Variants in TTC27 observed in about 807,000 individuals in gnomAD.
The protein encoded by TTC27 is tetratricopeptide repeat domain 27.
TTC27 carries 79 observed loss-of-function variants against 115.9 expected under a neutral mutation model. The observed-to-expected ratio is 0.68, with a 90% confidence interval of 0.57 to 0.82. The LOEUF (loss-of-function observed/expected upper bound fraction) is 0.82, where lower values mean the gene tolerates loss of function less well. TTC27 is among the 40% of genes least tolerant of loss of function. The probability of loss-of-function intolerance (pLI) is 0.00; values close to 1 mark genes in which losing one functional copy is unlikely to be tolerated. For synonymous variants in TTC27, 401 were observed against 356.0 expected (o/e 1.13, Z -1.42); for missense variants, 1,054 against 993.1 (o/e 1.06, Z -0.82).
intron 9 of TTC27, among the ~76,000 whole-genome samples, chr2:32,681,324 A>G (rs2151889607): frequency 6.6e-6 from 1 of 152,250 alleles, no homozygotes; most frequent in South Asian, 2.1e-4. Flanking sequence ...AAACATACAA[A>G]ATAAACCAGA....
intron 7 of TTC27, among the ~76,000 whole-genome samples, chr2:32,667,837 T>A (rs1307549303): frequency 6.7e-6 from 1 of 150,372 alleles, no homozygotes; most frequent in Non-Finnish European, 1.5e-5. Flanking sequence ...GTGGATCACT[T>A]GAGGTCAGGA....
rs138466700 is a variant in TTC27, at chr2:32,812,511, A to G, written c.2204A>G (p.Gln735Arg). The G allele has an allele frequency of 8.5e-4, 1,373 of 1,610,142 alleles. No individual in the cohort carries two copies. Among genetic ancestry groups the G allele is most frequent in the Non-Finnish European group, 1.0e-3 (1,175 of 1,176,544 alleles). ...TTCTTTCTCCTTCCTCAGGCATTCC[A>G]GTGCCTCTCAAAGGCATACAAGTGT... is the stretch of plus-strand genomic sequence containing the variant. The part of the protein sequence containing the change: ...EKPDENEKAF[Q>R]CLSKAYKCDT... The change falls in exon 18 of 20, where the codon CAG (glutamine) becomes CGG (arginine). Residue 735 changes from glutamine to arginine, a missense_variant. Gln to Arg is a conservative substitution (Grantham distance 43, BLOSUM62 1). Coordinates refer to ENST00000317907, the MANE Select transcript of TTC27 (RefSeq NM_017735.5).
chr2:32,716,956 A>G (rs1431595650), intron 10 of TTC27, among the ~76,000 whole-genome samples: 1 of 150,396 alleles, frequency 6.6e-6, no homozygotes, highest in African/African-American at 2.4e-5. Flanking sequence ...AACCTCCCAA[A>G]GTTTTGGGAT....
intron 10 of TTC27, among the ~76,000 whole-genome samples, chr2:32,720,919 A>G (rs1375561030): frequency 6.6e-6 from 1 of 152,204 alleles, no homozygotes; most frequent in Non-Finnish European, 1.5e-5. Flanking sequence ...GTAAGTTCAC[A>G]TGCATTATAC....
At chr2:32,748,785 T>G (rs1431077914) in intron 12 of TTC27, among the ~76,000 whole-genome samples, 2 of 152,000 alleles carry the variant, frequency 1.3e-5, no homozygotes, top group East Asian at 1.9e-4. Context: ...CCTCCCAGGT[T>G]TCAGTGATTC....
chr2:32,726,852 G>A (rs954869425), intron 10 of TTC27, among the ~76,000 whole-genome samples: 1 of 152,184 alleles, frequency 6.6e-6, no homozygotes, highest in Non-Finnish European at 1.5e-5. Context: ...TGGCTGGGGA[G>A]GCCTCACAAT....
intron 3 of TTC27, among the ~76,000 whole-genome samples, chr2:32,639,808 A>G (rs1664571494): frequency 6.6e-6 from 1 of 152,082 alleles, no homozygotes; most frequent in African/African-American, 2.4e-5. Flanking sequence ...TTCGAGACCA[A>G]CCTGGCCAAC....
intron 18 of TTC27, among the ~76,000 whole-genome samples, chr2:32,815,990 G>C (rs1458692384): frequency 6.6e-6 from 1 of 152,154 alleles, no homozygotes; most frequent in Non-Finnish European, 1.5e-5. Flanking sequence ...GGCACAGGCA[G>C]CCTCTACCGA....
At chr2:32,681,390 CT>C (rs1370336896) in intron 9 of TTC27, among the ~76,000 whole-genome samples, 1 of 152,098 alleles carries the variant, frequency 6.6e-6, no homozygotes, top group African/African-American at 2.4e-5. Context: ...CCTGTCCCTT[CT>C]TTGTGCATGA....
intron 16 of TTC27, among the ~76,000 whole-genome samples, chr2:32,805,341 C>A (rs768479387): frequency 1.8e-4 from 28 of 152,210 alleles, no homozygotes; most frequent in Non-Finnish European, 4.0e-4. Flanking sequence ...ATCTCCTCAT[C>A]CTTATCTAAG....
chr2:32,815,733 G>A (rs530433040), intron 18 of TTC27, among the ~76,000 whole-genome samples: 3 of 152,238 alleles, frequency 2.0e-5, no homozygotes, highest in African/African-American at 4.8e-5. Flanking sequence ...CTCAAATACC[G>A]CTGCCATGGT....
At chr2:32,723,724 CTCCCTCCTTCCT>C (rs1233730440) in intron 10 of TTC27, among the ~76,000 whole-genome samples, 11 of 25,064 alleles carry the variant, frequency 4.4e-4, no homozygotes, top group African/African-American at 1.5e-3. Context: ...CCCTCCCTCC[CTCCCTCCTTCCT>C]TCCTTCCTTC....
chr2:32,682,841 A>AT (rs1559204114), intron 9 of TTC27, among the ~76,000 whole-genome samples: 6 of 77,502 alleles, frequency 7.7e-5, no homozygotes, highest in Admixed American at 1.8e-4. Flanking sequence ...GATAATTTTT[A>AT]TTGTTGTTTT....
intron 16 of TTC27, among the ~76,000 whole-genome samples, chr2:32,791,086 A>G (rs1670519001): frequency 1.3e-5 from 2 of 152,298 alleles, no homozygotes; most frequent in South Asian, 4.1e-4. Flanking sequence ...ATTTATTTCT[A>G]GATTATACAT....
chr2:32,776,725 C>T (rs1001738159), intron 13 of TTC27, among the ~76,000 whole-genome samples: 4 of 152,196 alleles, frequency 2.6e-5, no homozygotes, highest in African/African-American at 9.7e-5. Flanking sequence ...TCTCCTGCCT[C>T]AGCTTCCCGA....
intron 5 of TTC27, among the ~76,000 whole-genome samples, chr2:32,663,531 G>A (rs1221624261): frequency 6.6e-6 from 1 of 152,140 alleles, no homozygotes; most frequent in Non-Finnish European, 1.5e-5. Flanking sequence ...GATGAGCCTG[G>A]TACCTCAGTT....
intron 6 of TTC27, 139 bp from the exon 7 acceptor site, chr2:32,666,496 G>A: frequency 2.5e-6 from 2 of 811,414 alleles, no homozygotes; most frequent in Non-Finnish European, 3.5e-6. Flanking sequence ...TAAAACCTGA[G>A]GCTGGGCCTC....
At position 32,650,117 on chromosome 2, in the gene TTC27, G is replaced by A. The variant is rs200091572; in HGVS notation, c.538-14G>A. On this transcript the variant is annotated splice_polypyrimidine_tract_variant and intron_variant, in intron 4 of 19. Coordinates refer to ENST00000317907, the MANE Select transcript of TTC27 (RefSeq NM_017735.5). ...GTATCCTTTTATTTCAGCTTACGTG[G>A]TGTTTTTTCCTAGAGCTTGCCATGG... The A allele has an allele frequency of 7.6e-4, 1,222 of 1,603,702 alleles. 1 individual carries two copies. Among genetic ancestry groups the A allele is most frequent in the Non-Finnish European group, 9.8e-4 (1,143 of 1,172,152 alleles).
Position 32,733,917 on chromosome 2 carries a change from C to T in TTC27, c.1323C>T (p.Ala441=). ...GCTGTCAAGTACCACCTCACTGGGC[C>T]ATTCAGGTATTTCTGTTGTTTGTCA... ...FYCCQVPPHW[A]IQRQLASLLF... is the part of the protein sequence containing the mutation. Residue 441 remains alanine, a synonymous_variant, in exon 11 of 20, where the codon GCC becomes GCT. Coordinates refer to ENST00000317907, the MANE Select transcript of TTC27 (RefSeq NM_017735.5). The T allele has an allele frequency of 6.2e-7, 1 of 1,607,850 alleles. No homozygotes were observed. Among genetic ancestry groups the T allele is most frequent in the Non-Finnish European group, 8.5e-7 (1 of 1,176,230 alleles).
Sources: allele counts gnomAD v4.1 joint callset (sites outside exome capture counted in the v4.1 genomes callset), GRCh38; gene constraint gnomAD v4.1.1; transcripts MANE v1.5; gene names NCBI Gene and HGNC (gene_info 2026-07-23, HGNC 2026-07-21).